The following PUDP variants were observed in gnomAD, a reference collection of about 807,000 sequenced individuals.
The protein encoded by PUDP is pseudouridine-5'-phosphatase.
A neutral mutation model predicts 9.4 loss-of-function variants in PUDP; 8 were observed. The observed-to-expected ratio is 0.85, with a 90% CI of 0.50 to 1.53. The LOEUF (loss-of-function observed/expected upper bound fraction) is 1.53. Ranked by LOEUF, PUDP falls within the 40% of genes most tolerant of loss-of-function variation. PUDP has a pLI of 0.00. For missense variants in PUDP, 188 were observed against 189.7 expected (o/e 0.99, Z 0.05); for synonymous variants, 99 against 80.7 (o/e 1.23, Z -1.22).
intron 1 of PUDP, among the ~76,000 whole-genome samples, chrX:7,020,098 G>T (rs1471745912): frequency 2.7e-5 from 3 of 110,497 alleles, no homozygotes; most frequent in African/African-American, 9.9e-5. Flanking sequence ...ATGCTGGAGA[G>T]ATAGTGGGAA....
At chrX:6,903,860 C>G (rs777505608) in intron 3 of PUDP, among the ~76,000 whole-genome samples, 1 of 109,918 alleles carries the variant, frequency 9.1e-6, no homozygotes, top group East Asian at 2.9e-4. Flanking sequence ...ACCTGAGTAA[C>G]AAGGTCATTT....
chrX:6,818,655 A>G (rs748248186), intron 3 of PUDP, among the ~76,000 whole-genome samples: 1 of 112,179 alleles, frequency 8.9e-6, no homozygotes, highest in African/African-American at 3.2e-5. Flanking sequence ...GTGTCTATAT[A>G]GTGAATGCAT....
chrX:7,018,274 T>C (rs1278250638), intron 1 of PUDP, among the ~76,000 whole-genome samples: 4 of 111,923 alleles, frequency 3.6e-5, no homozygotes, highest in Non-Finnish European at 7.5e-5. Flanking sequence ...AAGAACCCTC[T>C]CTTGGGGTCT....
intron 3 of PUDP, among the ~76,000 whole-genome samples, chrX:6,897,821 C>T (rs184508670): frequency 2.4e-3 from 272 of 111,148 alleles, no homozygotes; most frequent in African/African-American, 8.2e-3. Context: ...CACCTCCCAA[C>T]GGCTCCACTT....
Position 7,049,313 on chromosome X carries a change from G to A in PUDP, c.*983C>T, listed in dbSNP as rs1534276. 4 of 112,264 alleles carry A rather than the reference G, an allele frequency of 3.6e-5. No homozygotes were observed. The highest frequency in any genetic ancestry group is 1.9e-4 in the Admixed American group (2 of 10,552). 9.3% of individuals were successfully genotyped at this position (112,264 alleles called of 1,213,427 possible). ...AAAGACTGAGTAAATCTATAAAAGC[G>A]ATTAATCACAGAAGTTCAATGTCTG... On this transcript the variant is annotated 3_prime_UTR_variant, in exon 4 of 4. Coordinates refer to ENST00000381077, the MANE Select transcript of PUDP (RefSeq NM_012080.5).
chrX:6,947,810 AT>A (rs1928492126), intron 3 of PUDP, among the ~76,000 whole-genome samples: 2 of 109,892 alleles, frequency 1.8e-5, no homozygotes, highest in Non-Finnish European at 3.8e-5. Context: ...AAATAAATAA[AT>A]AAATAAAAAT....
chrX:7,056,592 C>A (rs745614056), intron 3 of PUDP, among the ~76,000 whole-genome samples: 3 of 111,625 alleles, frequency 2.7e-5, no homozygotes, highest in Non-Finnish European at 5.6e-5. Context: ...ATATTCTTGA[C>A]GCAGCTTGTA....
At chrX:6,896,965 C>G (rs1281005816) in intron 3 of PUDP, among the ~76,000 whole-genome samples, 1 of 111,475 alleles carries the variant, frequency 9.0e-6, no homozygotes, top group South Asian at 3.8e-4. Flanking sequence ...GTTTTTAAAG[C>G]CAGGCTTAAA....
chrX:7,003,604 A>T (rs1174269983), intron 1 of PUDP, among the ~76,000 whole-genome samples: 1 of 112,067 alleles, frequency 8.9e-6, no homozygotes, highest in Non-Finnish European at 1.9e-5. Context: ...TTAGCAGTCC[A>T]GGTTCCTGCT....
At chrX:7,143,487 CTTA>C (rs1351564046) in intron 1 of PUDP, among the ~76,000 whole-genome samples, 1 of 112,180 alleles carries the variant, frequency 8.9e-6, no homozygotes, top group Non-Finnish European at 1.9e-5. Context: ...GGACAAAACT[CTTA>C]TTATTTATCT....
intron 3 of PUDP, among the ~76,000 whole-genome samples, chrX:6,727,171 G>A (rs1053054611): frequency 2.7e-5 from 3 of 110,424 alleles, no homozygotes; most frequent in African/African-American, 9.8e-5. Flanking sequence ...AACAGATTCA[G>A]GTATAAATCT....
At chrX:7,084,235 T>A (rs1438434245) in intron 2 of PUDP, among the ~76,000 whole-genome samples, 1 of 112,067 alleles carries the variant, frequency 8.9e-6, no homozygotes, top group Non-Finnish European at 1.9e-5. Context: ...GTTATTGCGG[T>A]TGTATGTATG....
At chrX:6,886,700 G>T (rs1358545196) in intron 3 of PUDP, among the ~76,000 whole-genome samples, 1 of 111,099 alleles carries the variant, frequency 9.0e-6, no homozygotes, top group African/African-American at 3.3e-5. Flanking sequence ...AGGGACTGGA[G>T]TTAACAGACA....
chrX:6,798,145 T>A (rs755492970), intron 3 of PUDP, among the ~76,000 whole-genome samples: 1 of 112,245 alleles, frequency 8.9e-6, no homozygotes, highest in East Asian at 2.8e-4. Context: ...TTTAATGGAC[T>A]CACAGTTCCA....
chrX:6,837,295 G>A (rs1000355347), intron 3 of PUDP, among the ~76,000 whole-genome samples: 1 of 112,481 alleles, frequency 8.9e-6, no homozygotes, highest in African/African-American at 3.2e-5. Context: ...CACCTGAAAG[G>A]ATCTGCTATC....
chrX:6,961,450 C>T (rs1156740241), intron 3 of PUDP, among the ~76,000 whole-genome samples: 3 of 111,450 alleles, frequency 2.7e-5, no homozygotes, highest in Middle Eastern at 4.7e-3. Flanking sequence ...ATGAAATCCA[C>T]CAAAGCATGC....
chrX:6,804,856 T>A (rs1172724270), intron 3 of PUDP, among the ~76,000 whole-genome samples: 1 of 112,031 alleles, frequency 8.9e-6, no homozygotes, highest in Admixed American at 9.5e-5. Flanking sequence ...GAGAAGGGCA[T>A]CAAACTAAAG....
At chrX:6,790,946 T>C (rs1426471947) in intron 3 of PUDP, among the ~76,000 whole-genome samples, 1 of 112,239 alleles carries the variant, frequency 8.9e-6, no homozygotes, top group Non-Finnish European at 1.9e-5. Flanking sequence ...AATGTAAAAT[T>C]CTAGTTAAAT....
chrX:6,710,356 G>A (rs1924517732), intron 1 of PUDP, among the ~76,000 whole-genome samples: 1 of 111,540 alleles, frequency 9.0e-6, no homozygotes, highest in Non-Finnish European at 1.9e-5. Flanking sequence ...CCACTGCTTG[G>A]CAATGCAGTG....
Sources: gnomAD v4.1 joint callset for allele counts (sites outside exome capture counted in the v4.1 genomes callset) on GRCh38, gnomAD v4.1.1 for gene constraint, MANE v1.5 for transcripts, NCBI Gene and HGNC (gene_info 2026-07-23, HGNC 2026-07-21) for gene names.